The following STXBP5L variants were observed in gnomAD, a reference collection of about 807,000 sequenced individuals.
STXBP5L encodes syntaxin binding protein 5L, also known as syntaxin-binding protein 5-like.
Under a neutral mutation model 144.5 loss-of-function variants are expected in STXBP5L, and 65 were observed. That is an observed-to-expected ratio of 0.45 (90% CI 0.37 to 0.55). STXBP5L has a LOEUF of 0.55. STXBP5L is among the 20% of genes least tolerant of loss of function. The probability of loss-of-function intolerance (pLI) is 0.00; values close to 1 mark genes in which losing one functional copy is unlikely to be tolerated. For missense variants in STXBP5L, 1,298 were observed against 1,405.5 expected (o/e 0.92, Z 1.22); for synonymous variants, 505 against 469.6 (o/e 1.08, Z -0.97).
intron 9 of STXBP5L, among the ~76,000 whole-genome samples, chr3:121,180,314 A>G (rs998533999): frequency 6.6e-6 from 1 of 152,216 alleles, no homozygotes; most frequent in African/African-American, 2.4e-5. Context: ...CTTGTTAGCC[A>G]AGAATTTGGT....
At chr3:121,363,160 G>T (rs1198141413) in intron 20 of STXBP5L, among the ~76,000 whole-genome samples, 1 of 152,108 alleles carries the variant, frequency 6.6e-6, no homozygotes, top group Non-Finnish European at 1.5e-5. Context: ...TAATCAGAAA[G>T]AAGGGGTCTC....
In STXBP5L at chr3:121,201,652, G is replaced by T. The variant is rs190887581; in HGVS notation, c.878-4271G>T. Reference sequence around the variant, plus strand: ...TATGTTTTTGCAGTGGCCGTTACTGGTTGTTTTTTTTTTTCCATATTTAGT... The same window carrying T: ...TATGTTTTTGCAGTGGCCGTTACTGTTTGTTTTTTTTTTTCCATATTTAGT... On this transcript the variant is annotated intron_variant, in intron 9 of 26. Transcript: ENST00000471454. 2.5e-3 allele frequency among the ~76,000 whole-genome samples: 372 copies of T among 150,756 alleles called. 5 individuals carry two copies. Among genetic ancestry groups the T allele is most frequent in the African/African-American group, 8.6e-3 (355 of 41,192 alleles).
chr3:121,331,623 T>A (rs187324243), intron 20 of STXBP5L, among the ~76,000 whole-genome samples: 1 of 152,250 alleles, frequency 6.6e-6, no homozygotes, highest in African/African-American at 2.4e-5. Context: ...CCCTTCCTCC[T>A]GAAAAGACCA....
chr3:120,942,752 C>A (rs978877616), intron 2 of STXBP5L, among the ~76,000 whole-genome samples: 5 of 151,054 alleles, frequency 3.3e-5, no homozygotes, highest in Non-Finnish European at 5.9e-5. Context: ...TATTGTCTTG[C>A]TGAATTAGCT....
chr3:120,915,338 A>G (rs1316514624), intron 2 of STXBP5L, among the ~76,000 whole-genome samples: 1 of 152,102 alleles, frequency 6.6e-6, no homozygotes, highest in Non-Finnish European at 1.5e-5. Flanking sequence ...TTAAGTTCAT[A>G]TTTACTTTTA....
At chr3:121,089,758 T>TA (rs1320316592) in intron 5 of STXBP5L, among the ~76,000 whole-genome samples, 6 of 152,004 alleles carry the variant, frequency 3.9e-5, no homozygotes, top group Non-Finnish European at 8.8e-5. Flanking sequence ...GAAGCTCTGG[T>TA]ATTTTTTTAC....
At chr3:121,202,508 T>A (rs371476142) in intron 9 of STXBP5L, among the ~76,000 whole-genome samples, 3 of 152,322 alleles carry the variant, frequency 2.0e-5, no homozygotes, top group African/African-American at 7.2e-5. Context: ...CTGTTCTTTG[T>A]GTAGACTTAA....
rs1278617373 is a variant in STXBP5L, at chr3:121,418,403, T to C, written c.3293T>C (p.Ile1098Thr). 3 of 1,613,882 alleles carry C rather than the reference T, an allele frequency of 1.9e-6. No homozygotes were observed. The highest frequency in any genetic ancestry group is 1.7e-5 in the Admixed American group (1 of 59,982). ...LAQHIPGPGS[I>T]EGMKGAAGGV... is the part of the protein sequence containing the mutation. ...CAACACATTCCTGGACCAGGTAGTATAGAAGGGATGAAAGGCGCTGCTGGA... is the reference window on the plus strand; with the variant it reads ...CAACACATTCCTGGACCAGGTAGTACAGAAGGGATGAAAGGCGCTGCTGGA... The change falls in exon 26 of 27, where the codon ATA becomes ACA. Residue 1098 changes from isoleucine (I) to threonine (T), a missense_variant. By Grantham distance (89) the Ile-to-Thr change is moderately conservative (BLOSUM62 -1). Transcript: ENST00000471454.
chr3:121,139,618 C>T (rs533095977), intron 7 of STXBP5L, among the ~76,000 whole-genome samples: 25 of 151,928 alleles, frequency 1.6e-4, no homozygotes, highest in South Asian at 1.0e-3. Context: ...ATTTTTATTC[C>T]GAGTTCTGAA....
At chr3:121,102,900 C>T (rs1231109791) in intron 5 of STXBP5L, among the ~76,000 whole-genome samples, 1 of 152,018 alleles carries the variant, frequency 6.6e-6, no homozygotes, top group East Asian at 1.9e-4. Context: ...AAGACCTTAA[C>T]AGACACTTCT....
At chr3:121,179,328 C>A (rs574602074) in intron 9 of STXBP5L, among the ~76,000 whole-genome samples, 2 of 151,878 alleles carry the variant, frequency 1.3e-5, no homozygotes, top group Admixed American at 1.3e-4. Flanking sequence ...GATACAAAGT[C>A]TTCACCTCTA....
intron 3 of STXBP5L, among the ~76,000 whole-genome samples, chr3:120,960,769 G>A (rs1466526511): frequency 6.6e-6 from 1 of 152,062 alleles, no homozygotes; most frequent in Non-Finnish European, 1.5e-5. Context: ...GTGGGGTGGG[G>A]GCAGGGGGGA....
chr3:121,363,639 G>A (rs9631456), intron 20 of STXBP5L, among the ~76,000 whole-genome samples: 15,404 of 152,076 alleles, frequency 0.1, 1,199 homozygotes, highest in Admixed American at 0.2. Context: ...AGGAGGGGTG[G>A]CATCAGTGAT....
intron 3 of STXBP5L, among the ~76,000 whole-genome samples, chr3:121,017,473 T>C (rs578170716): frequency 2.2e-4 from 33 of 152,248 alleles, no homozygotes; most frequent in African/African-American, 7.7e-4. Flanking sequence ...ACAAAAGATA[T>C]ACAGATTGGG....
chr3:121,130,686 G>C (rs953238691), intron 7 of STXBP5L, among the ~76,000 whole-genome samples: 1 of 152,042 alleles, frequency 6.6e-6, no homozygotes, highest in Non-Finnish European at 1.5e-5. Flanking sequence ...ATCACAATTG[G>C]TAGAGCCAAT....
intron 3 of STXBP5L, among the ~76,000 whole-genome samples, chr3:120,967,486 G>A (rs978781110): frequency 6.6e-6 from 1 of 152,034 alleles, no homozygotes; most frequent in Non-Finnish European, 1.5e-5. Context: ...GCCTGGGCTG[G>A]GATTTTTAGG....
chr3:121,045,159 T>C (rs1947426607), intron 4 of STXBP5L, among the ~76,000 whole-genome samples: 1 of 152,092 alleles, frequency 6.6e-6, no homozygotes, highest in Non-Finnish European at 1.5e-5. Context: ...TTAATGGCCA[T>C]AACAGTGCTA....
chr3:121,009,017 G>A (rs1944570411), intron 3 of STXBP5L, among the ~76,000 whole-genome samples: 1 of 151,702 alleles, frequency 6.6e-6, no homozygotes, highest in Admixed American at 6.6e-5. Flanking sequence ...TGACTGGTTG[G>A]ATATGCAGTA....
chr3:121,373,104 A>G (rs934433525), intron 20 of STXBP5L, among the ~76,000 whole-genome samples: 1 of 152,206 alleles, frequency 6.6e-6, no homozygotes, highest in South Asian at 2.1e-4. Flanking sequence ...ACAATGTATC[A>G]GGTAGAAAAT....
Sources: gnomAD v4.1 joint callset for allele counts (sites outside exome capture counted in the v4.1 genomes callset) on GRCh38, gnomAD v4.1.1 for gene constraint, MANE v1.5 for transcripts, NCBI Gene and HGNC (gene_info 2026-07-23, HGNC 2026-07-21) for gene names.